SGCZ: variants seen among roughly 807,000 people sequenced by gnomAD.
The protein encoded by SGCZ is zeta-sarcoglycan.
In SGCZ, 40 loss-of-function variants were observed where a neutral mutation model predicts 41.3. That is an observed-to-expected ratio of 0.97 (90% CI 0.75 to 1.26). SGCZ has a LOEUF of 1.26. SGCZ is among the 50% of genes most tolerant of loss of function. The pLI is 0.00. For synonymous variants in SGCZ, 206 were observed against 137.5 expected (o/e 1.50, Z -3.49); for missense variants, 552 against 369.8 (o/e 1.49, Z -4.04).
intron 4 of SGCZ, among the ~76,000 whole-genome samples, chr8:14,204,096 C>A (rs1445022585): frequency 6.6e-6 from 1 of 152,010 alleles, no homozygotes; most frequent in Non-Finnish European, 1.5e-5. Context: ...ATAACTCAGT[C>A]TCTGAATCTG....
At chr8:14,721,955 C>G (rs893916366) in intron 1 of SGCZ, among the ~76,000 whole-genome samples, 2 of 152,310 alleles carry the variant, frequency 1.3e-5, no homozygotes, top group East Asian at 3.9e-4. Context: ...ATTTTTCTCA[C>G]TGGCCCTTCT....
chr8:15,108,431 G>C (rs1310564985), intron 1 of SGCZ, among the ~76,000 whole-genome samples: 1 of 152,146 alleles, frequency 6.6e-6, no homozygotes, highest in African/African-American at 2.4e-5. Context: ...TTGTTGCATA[G>C]GAATTGGAAA....
intron 5 of SGCZ, among the ~76,000 whole-genome samples, chr8:14,156,236 G>C (rs1171636741): frequency 1.3e-5 from 2 of 152,096 alleles, no homozygotes; most frequent in African/African-American, 4.8e-5. Context: ...TTGGGAGGCC[G>C]ATCACTAGGT....
intron 1 of SGCZ, among the ~76,000 whole-genome samples, chr8:14,589,211 T>G (rs902326653): frequency 6.6e-6 from 1 of 151,998 alleles, no homozygotes; most frequent in African/African-American, 2.4e-5. Flanking sequence ...CTGGGTGTGC[T>G]GGTGCATGCC....
At chr8:14,566,426 A>G (rs1804362175) in intron 1 of SGCZ, among the ~76,000 whole-genome samples, 1 of 152,132 alleles carries the variant, frequency 6.6e-6, no homozygotes, top group East Asian at 1.9e-4. Flanking sequence ...TCGATTCCCT[A>G]CTGAGGCCAG....
chr8:14,238,884 T>C (rs1806866128), intron 3 of SGCZ, among the ~76,000 whole-genome samples: 7 of 152,074 alleles, frequency 4.6e-5, no homozygotes, highest in Admixed American at 4.6e-4. Flanking sequence ...TCTATGTCAA[T>C]GTCAATATAC....
intron 2 of SGCZ, among the ~76,000 whole-genome samples, chr8:14,361,015 A>G (rs146593392): frequency 6.6e-6 from 1 of 152,106 alleles, no homozygotes; most frequent in Non-Finnish European, 1.5e-5. Context: ...CATAGTTTTC[A>G]TATGTATTTC....
At chr8:14,545,376 A>T (rs1803593917) in intron 2 of SGCZ, among the ~76,000 whole-genome samples, 1 of 151,486 alleles carries the variant, frequency 6.6e-6, no homozygotes, top group Non-Finnish European at 1.5e-5. Context: ...AACAAATAAG[A>T]CAATATTTCA....
chr8:15,122,968 C>A (rs1035971884), intron 1 of SGCZ, among the ~76,000 whole-genome samples: 7 of 152,116 alleles, frequency 4.6e-5, no homozygotes, highest in African/African-American at 9.7e-5. Context: ...CATATTAAGT[C>A]AAGGTCTATA....
At chr8:14,732,808 T>C (rs2130245690) in intron 1 of SGCZ, among the ~76,000 whole-genome samples, 1 of 152,202 alleles carries the variant, frequency 6.6e-6, no homozygotes, top group South Asian at 2.1e-4. Context: ...CAATTATCTC[T>C]TTTGTCTTTA....
intron 2 of SGCZ, among the ~76,000 whole-genome samples, chr8:14,396,430 G>A (rs1218007589): frequency 3.3e-5 from 5 of 152,086 alleles, no homozygotes; most frequent in East Asian, 1.9e-4. Flanking sequence ...CATGGAAAAT[G>A]GTGAGAATTT....
At chr8:14,708,625 A>C (rs1809407455) in intron 1 of SGCZ, among the ~76,000 whole-genome samples, 1 of 152,160 alleles carries the variant, frequency 6.6e-6, no homozygotes, top group Non-Finnish European at 1.5e-5. Flanking sequence ...AACTGGTTTT[A>C]ACAATCAGTT....
At chr8:14,106,122 A>G (rs2116994466) in intron 6 of SGCZ, among the ~76,000 whole-genome samples, 1 of 152,198 alleles carries the variant, frequency 6.6e-6, no homozygotes, top group East Asian at 1.9e-4. Flanking sequence ...AGCTTTGCTA[A>G]GTTTCAGTAA....
intron 2 of SGCZ, among the ~76,000 whole-genome samples, chr8:14,341,083 T>G (rs1163199520): frequency 6.6e-6 from 1 of 152,230 alleles, no homozygotes; most frequent in Non-Finnish European, 1.5e-5. Flanking sequence ...AAGAGTCATC[T>G]ATGTTGTAGC....
chr8:14,723,075 A>C (rs1246340415), intron 1 of SGCZ, among the ~76,000 whole-genome samples: 1 of 152,178 alleles, frequency 6.6e-6, no homozygotes, highest in East Asian at 1.9e-4. Flanking sequence ...CAGGTTCAAA[A>C]GAAATGCACA....
chr8:15,175,256 C>T (rs1007456473), intron 1 of SGCZ, among the ~76,000 whole-genome samples: 1 of 151,914 alleles, frequency 6.6e-6, no homozygotes, highest in Non-Finnish European at 1.5e-5. Flanking sequence ...GCACTATTCA[C>T]AATAGCAAAA....
chr8:14,667,642 A>G (rs1452331670), intron 1 of SGCZ, among the ~76,000 whole-genome samples: 2 of 152,218 alleles, frequency 1.3e-5, no homozygotes, highest in Non-Finnish European at 2.9e-5. Flanking sequence ...AAGATACTTA[A>G]AAATCTAATG....
intron 2 of SGCZ, among the ~76,000 whole-genome samples, chr8:14,359,962 T>C (rs1803449752): frequency 6.6e-6 from 1 of 152,166 alleles, no homozygotes; most frequent in Non-Finnish European, 1.5e-5. Context: ...TGGTTCAACA[T>C]ATGCAAATGA....
chr8:14,618,457 C>T (rs1023293016), intron 1 of SGCZ, among the ~76,000 whole-genome samples: 1 of 152,130 alleles, frequency 6.6e-6, no homozygotes, highest in Admixed American at 6.5e-5. Flanking sequence ...AAGGCAGAAA[C>T]AATCCTGGCA....
Sources: allele counts gnomAD v4.1 joint callset (sites outside exome capture counted in the v4.1 genomes callset), GRCh38; gene constraint gnomAD v4.1.1; transcripts MANE v1.5; gene names NCBI Gene and HGNC (gene_info 2026-07-23, HGNC 2026-07-21).